HHAT: variants seen among roughly 807,000 people sequenced by gnomAD.
HHAT encodes the protein protein-cysteine N-palmitoyltransferase HHAT.
In HHAT, 47 loss-of-function variants were observed where a neutral mutation model predicts 70.8. The observed-to-expected ratio is 0.66, with a 90% CI of 0.53 to 0.85. HHAT has a LOEUF of 0.85. Among genes scored for constraint, HHAT ranks in the 40% least tolerant of loss-of-function variants. The pLI is 0.00. For missense variants in HHAT, 609 were observed against 604.8 expected (o/e 1.01, Z -0.07); for synonymous variants, 228 against 247.6 (o/e 0.92, Z 0.74).
chr1:210,357,222 T>G (rs1400343658), intron 2 of HHAT, among the ~76,000 whole-genome samples: 1 of 151,770 alleles, frequency 6.6e-6, no homozygotes, highest in Non-Finnish European at 1.5e-5. Context: ...CACTGGTCCT[T>G]CAGGTAGGTG....
chr1:210,597,500 T>C (rs1212303782), intron 10 of HHAT, among the ~76,000 whole-genome samples: 4 of 152,134 alleles, frequency 2.6e-5, no homozygotes, highest in African/African-American at 9.6e-5. Context: ...AGGAATCTAC[T>C]TGGTACATTA....
At position 210,387,540 on chromosome 1, in the gene HHAT, CA is replaced by C; in HGVS notation, c.233del (p.His78ProfsTer3). 6.2e-7 allele frequency: 1 copy of C among 1,614,032 alleles called. No homozygotes were observed. The highest frequency in any genetic ancestry group is 1.7e-5 in the Admixed American group (1 of 60,026). On this transcript the variant is annotated frameshift_variant, in exon 4 of 12. Transcript: ENST00000261458. LOFTEE classifies it high-confidence loss of function. ...GTGGCTGGTGTGGCTTCTCCTTGGC[CA>C]CATGGTAGTGTCTCAAATGGCCACA... is the stretch of plus-strand genomic sequence containing the variant. ...KQWLVWLLLG[H>X]MVVSQMATLL...
At chr1:210,484,834 A>G (rs2094450491) in intron 8 of HHAT, among the ~76,000 whole-genome samples, 1 of 152,186 alleles carries the variant, frequency 6.6e-6, no homozygotes, top group African/African-American at 2.4e-5. Flanking sequence ...AGTCTTAGCC[A>G]ATGGGAGCCC....
At chr1:210,413,321 C>T (rs1305304221) in intron 6 of HHAT, among the ~76,000 whole-genome samples, 3 of 152,184 alleles carry the variant, frequency 2.0e-5, no homozygotes, top group Non-Finnish European at 4.4e-5. Flanking sequence ...TTGTCTTGGA[C>T]AGGAGGTCCT....
intron 9 of HHAT, among the ~76,000 whole-genome samples, chr1:210,544,850 T>A (rs1305137817): frequency 6.6e-6 from 1 of 152,176 alleles, no homozygotes; most frequent in Non-Finnish European, 1.5e-5. Flanking sequence ...CTTCTTCCAT[T>A]ACATGCACCA....
intron 3 of HHAT, among the ~76,000 whole-genome samples, chr1:210,364,897 G>A (rs1301290615): frequency 3.9e-5 from 6 of 152,308 alleles, no homozygotes; most frequent in African/African-American, 7.2e-5. Flanking sequence ...CAAGGATTCC[G>A]TCTTTTGCCA....
At chr1:210,523,602 G>GTA (rs909336777) in intron 9 of HHAT, among the ~76,000 whole-genome samples, 1 of 151,844 alleles carries the variant, frequency 6.6e-6, no homozygotes, top group African/African-American at 2.4e-5. Context: ...AATATAGCTT[G>GTA]TGTGTGTGTG....
At chr1:210,439,494 T>C (rs1056501199) in intron 7 of HHAT, 10 of 151,786 alleles carry the variant, frequency 6.6e-5, no homozygotes, top group African/African-American at 2.4e-4. Context: ...TGTGCTCATA[T>C]TGATCATTCC....
chr1:210,429,067 C>G (rs773476650), intron 7 of HHAT, among the ~76,000 whole-genome samples: 2 of 151,796 alleles, frequency 1.3e-5, no homozygotes, highest in Non-Finnish European at 2.9e-5. Context: ...CAATACCTAT[C>G]ATATCACCTA....
intron 1 of HHAT, among the ~76,000 whole-genome samples, chr1:210,348,573 C>A (rs540917374): frequency 6.6e-6 from 1 of 152,170 alleles, no homozygotes; most frequent in Non-Finnish European, 1.5e-5. Context: ...AGTCAGAGAT[C>A]ATGGTCCCTG....
intron 3 of HHAT, among the ~76,000 whole-genome samples, chr1:210,365,732 C>T (rs2088884388): frequency 6.6e-6 from 1 of 151,646 alleles, no homozygotes; most frequent in Admixed American, 6.6e-5. Context: ...TCTCTTGCCT[C>T]AGTCTCTTGA....
intron 6 of HHAT, among the ~76,000 whole-genome samples, chr1:210,416,069 G>A (rs1479213598): frequency 2.0e-5 from 3 of 152,200 alleles, no homozygotes; most frequent in Non-Finnish European, 4.4e-5. Flanking sequence ...CCAATGAGCC[G>A]ACCAAAATTT....
At chr1:210,421,550 A>T (rs902028248) in intron 7 of HHAT, among the ~76,000 whole-genome samples, 7 of 152,098 alleles carry the variant, frequency 4.6e-5, no homozygotes, top group African/African-American at 1.7e-4. Context: ...AGTTGAAGCA[A>T]TTCTATGCCT....
intron 8 of HHAT, among the ~76,000 whole-genome samples, chr1:210,508,517 T>C (rs989018528): frequency 2.1e-4 from 4 of 19,042 alleles, no homozygotes; most frequent in Admixed American, 9.6e-4. Context: ...TTTTTTCTAA[T>C]GGGAACAGGA....
At chr1:210,362,518 C>T (rs1194881726) in intron 2 of HHAT, among the ~76,000 whole-genome samples, 1 of 152,250 alleles carries the variant, frequency 6.6e-6, no homozygotes, top group Non-Finnish European at 1.5e-5. Flanking sequence ...AGCCACCATG[C>T]CCGGCCCAAA....
At chr1:210,574,471 A>G (rs1376437943) in intron 9 of HHAT, among the ~76,000 whole-genome samples, 1 of 152,228 alleles carries the variant, frequency 6.6e-6, no homozygotes, top group African/African-American at 2.4e-5. Flanking sequence ...CACAATGGGA[A>G]TCCACTGCAA....
chr1:210,530,455 G>A (rs902403758), intron 9 of HHAT, among the ~76,000 whole-genome samples: 6 of 152,228 alleles, frequency 3.9e-5, no homozygotes, highest in Non-Finnish European at 8.8e-5. Flanking sequence ...TTAATTAGAG[G>A]AGATTCATTT....
intron 3 of HHAT, among the ~76,000 whole-genome samples, chr1:210,371,555 T>A (rs574319781): frequency 6.6e-6 from 1 of 152,300 alleles, no homozygotes; most frequent in South Asian, 2.1e-4. Context: ...AGCAAGCCTC[T>A]CTGGGAAGGG....
intron 7 of HHAT, among the ~76,000 whole-genome samples, chr1:210,438,538 A>C (rs910032): frequency 6.6e-6 from 1 of 151,550 alleles, no homozygotes; most frequent in Non-Finnish European, 1.5e-5. Flanking sequence ...ATATGCTCAT[A>C]CTTATTAAGG....
Sources: gnomAD v4.1 joint callset for allele counts (sites outside exome capture counted in the v4.1 genomes callset) on GRCh38, gnomAD v4.1.1 for gene constraint, MANE v1.5 for transcripts, NCBI Gene and HGNC (gene_info 2026-07-23, HGNC 2026-07-21) for gene names.